CNST: variants seen among roughly 807,000 people sequenced by gnomAD.
CNST encodes consortin, connexin sorting protein, also known as consortin.
In CNST, 39 loss-of-function variants were observed where a neutral mutation model predicts 72.4. The observed-to-expected ratio is 0.54, with a 90% CI of 0.42 to 0.70. The LOEUF (loss-of-function observed/expected upper bound fraction) is 0.70, where lower values mean the gene tolerates loss of function less well. Ranked by LOEUF, CNST falls within the 30% of genes least tolerant of loss-of-function variation. The pLI, the probability that CNST is intolerant of heterozygous loss-of-function variation, is 0.00. For synonymous variants in CNST, 332 were observed against 320.1 expected, an observed-to-expected ratio of 1.04 and a Z score of -0.40; for missense variants, 871 against 868.5, an observed-to-expected ratio of 1.00 and a Z score of -0.04.
chr1:246,649,399 G>C (rs550578185), intron 9 of CNST, among the ~76,000 whole-genome samples: 11 of 152,080 alleles, frequency 7.2e-5, no homozygotes, highest in Admixed American at 7.2e-4. Flanking sequence ...TAGAGCTAAT[G>C]GTATAGCACT....
At chr1:246,609,068 C>T (rs972560816) in intron 2 of CNST, among the ~76,000 whole-genome samples, 4 of 152,124 alleles carry the variant, frequency 2.6e-5, no homozygotes, top group Admixed American at 2.0e-4. Context: ...GGGTGCAACC[C>T]GGGGGTGTGG....
intron 1 of CNST, among the ~76,000 whole-genome samples, chr1:246,583,707 C>T (rs1660944486): frequency 6.6e-6 from 1 of 152,174 alleles, no homozygotes; most frequent in South Asian, 2.1e-4. Flanking sequence ...TTCATGTCCT[C>T]ATAGTAACCT....
chr1:246,652,884 G>T (rs113989810), intron 9 of CNST, among the ~76,000 whole-genome samples: 6 of 114,286 alleles, frequency 5.2e-5, no homozygotes, highest in Non-Finnish European at 1.0e-4. Context: ...GGCGCCTGTA[G>T]TCCCAGCTAC....
chr1:246,592,276 C>A (rs949452392), intron 2 of CNST, among the ~76,000 whole-genome samples: 2 of 152,096 alleles, frequency 1.3e-5, no homozygotes, highest in South Asian at 2.1e-4. Flanking sequence ...TACCTGAGGT[C>A]GGGAGTTCAA....
chr1:246,586,670 CG>C (rs1050719115), intron 1 of CNST, among the ~76,000 whole-genome samples: 2 of 151,776 alleles, frequency 1.3e-5, no homozygotes, highest in African/African-American at 4.8e-5. Flanking sequence ...TCTAATGGGG[CG>C]GTTATATAGC....
intron 2 of CNST, among the ~76,000 whole-genome samples, chr1:246,602,566 T>C (rs1352980985): frequency 6.6e-6 from 1 of 152,230 alleles, no homozygotes; most frequent in Non-Finnish European, 1.5e-5. Flanking sequence ...CTGGAAGTCA[T>C]ACTTTTTTAA....
chr1:246,610,327 TTCTG>T (rs992847859), intron 2 of CNST, among the ~76,000 whole-genome samples: 1 of 152,236 alleles, frequency 6.6e-6, no homozygotes, highest in South Asian at 2.1e-4. Flanking sequence ...TTTTTATATT[TTCTG>T]TCTTTTTTAT....
chr1:246,634,753 G>A (rs1415206652), intron 6 of CNST, among the ~76,000 whole-genome samples, 166 bp downstream of exon 6: 2 of 152,216 alleles, frequency 1.3e-5, no homozygotes, highest in Non-Finnish European at 2.9e-5. Context: ...CCGGGAGCGC[G>A]CCAACAGACA....
chr1:246,641,835 G>A, intron 7 of CNST, 65 bp downstream of exon 7: 1 of 1,228,112 alleles, frequency 8.1e-7, no homozygotes. Context: ...TCTGTTGTAT[G>A]GACTATTTTG....
chr1:246,568,312 C>A (rs1250601840), intron 1 of CNST, among the ~76,000 whole-genome samples: 1 of 152,066 alleles, frequency 6.6e-6, no homozygotes, highest in Non-Finnish European at 1.5e-5. Context: ...TTATTATTTT[C>A]TCTTGGTTTT....
At chr1:246,642,552 A>G (rs1047955282) in intron 8 of CNST, among the ~76,000 whole-genome samples, 7 of 152,044 alleles carry the variant, frequency 4.6e-5, no homozygotes, top group African/African-American at 1.7e-4. Flanking sequence ...ATACATTTCT[A>G]AAGCATTTAT....
intron 2 of CNST, among the ~76,000 whole-genome samples, chr1:246,615,570 G>C (rs1558560180): frequency 1.3e-5 from 2 of 151,286 alleles, no homozygotes; most frequent in Non-Finnish European, 2.9e-5. Flanking sequence ...AATCCAGCCT[G>C]GGTAACATAA....
At chr1:246,635,776 C>T (rs1247797311) in intron 6 of CNST, among the ~76,000 whole-genome samples, 2 of 152,216 alleles carry the variant, frequency 1.3e-5, no homozygotes, top group African/African-American at 4.8e-5. Context: ...CGTGAACCAT[C>T]CTCAGCCCAG....
chr1:246,652,969 A>C (rs891889141), intron 9 of CNST, among the ~76,000 whole-genome samples: 2 of 150,998 alleles, frequency 1.3e-5, no homozygotes, highest in Non-Finnish European at 2.9e-5. Flanking sequence ...GCACCACTGC[A>C]CTCCAGCCTG....
chr1:246,585,664 TATACACACACA>T (rs1661108615), intron 1 of CNST, among the ~76,000 whole-genome samples: 2 of 39,642 alleles, frequency 5.0e-5, no homozygotes, highest in Admixed American at 6.7e-4. Flanking sequence ...AAAAAAAAAA[TATACACACACA>T]CACACACACA....
intron 6 of CNST, among the ~76,000 whole-genome samples, chr1:246,640,009 C>T (rs935009515): frequency 9.9e-5 from 15 of 152,180 alleles, no homozygotes; most frequent in African/African-American, 2.2e-4. Context: ...GTGCACTTGT[C>T]GCACAAGTGG....
chr1:246,600,183 A>G (rs1042550716), intron 2 of CNST, among the ~76,000 whole-genome samples: 12 of 152,272 alleles, frequency 7.9e-5, no homozygotes, highest in African/African-American at 2.9e-4. Context: ...AGAGCATCCT[A>G]CATTTCAGTA....
chr1:246,614,400 A>G (rs1663543607), intron 2 of CNST, among the ~76,000 whole-genome samples: 1 of 152,196 alleles, frequency 6.6e-6, no homozygotes, highest in South Asian at 2.1e-4. Context: ...TCAGATTTAC[A>G]GATCAGAGAT....
chr1:246,659,319 G>A (rs183793229), intron 9 of CNST, among the ~76,000 whole-genome samples: 14 of 152,310 alleles, frequency 9.2e-5, no homozygotes, highest in Admixed American at 8.5e-4. Flanking sequence ...CCCAGGCCGG[G>A]TGCGGTGGCT....
Sources: gnomAD v4.1 joint callset for allele counts (sites outside exome capture counted in the v4.1 genomes callset) on GRCh38, gnomAD v4.1.1 for gene constraint, MANE v1.5 for transcripts, NCBI Gene and HGNC (gene_info 2026-07-23, HGNC 2026-07-21) for gene names.